MYOCOS: variants seen among roughly 807,000 people sequenced by gnomAD.
The protein encoded by MYOCOS is myocilin opposite strand, also known as myocilin opposite strand protein.
intron 1 of MYOCOS, among the ~76,000 whole-genome samples, chr1:171,606,810 G>A (rs1221665171): frequency 2.0e-5 from 3 of 152,032 alleles, no homozygotes; most frequent in Non-Finnish European, 4.4e-5. Context: ...TTTTCTCTGC[G>A]GCTTGTCCTG....
upstream of MYOCOS, among the ~76,000 whole-genome samples, chr1:171,620,115 A>C (rs115606345): frequency 0.034 from 4,996 of 148,600 alleles, 113 homozygotes; most frequent in Middle Eastern, 0.054. Context: ...ATATATATAT[A>C]TCTCCTATTA....
At chr1:171,602,090 A>AG (rs1446589002) in intron 1 of MYOCOS, among the ~76,000 whole-genome samples, 1 of 152,024 alleles carries the variant, frequency 6.6e-6, no homozygotes, top group Non-Finnish European at 1.5e-5. Flanking sequence ...GAGAAAAAAA[A>AG]GGGGGGAGGC....
chr1:171,601,002 G>T (rs902678565), exon 1 of MYOCOS: 1 of 152,250 alleles, frequency 6.6e-6, no homozygotes, highest in African/African-American at 2.4e-5. Context: ...CCCCTTAGGC[G>T]GCTTAGGCCT....
intron 1 of MYOCOS, among the ~76,000 whole-genome samples, chr1:171,603,694 A>T (rs1652188185): frequency 6.6e-6 from 1 of 152,218 alleles, no homozygotes; most frequent in African/African-American, 2.4e-5. Context: ...TTTACACTCT[A>T]TGTGTCAAAA....
At chr1:171,606,507 A>G (rs187812945) in intron 1 of MYOCOS, among the ~76,000 whole-genome samples, 86 of 152,270 alleles carry the variant, frequency 5.6e-4, no homozygotes, top group African/African-American at 2.0e-3. Context: ...TTAAAAATCA[A>G]CTCCTGACTT....
intron 2 of MYOCOS, among the ~76,000 whole-genome samples, chr1:171,615,495 C>G (rs1429460850): frequency 2.0e-5 from 3 of 152,194 alleles, no homozygotes; most frequent in African/African-American, 7.2e-5. Context: ...GAAAAAACAA[C>G]AAGGAAGTAA....
chr1:171,606,196 A>C (rs1029840572), intron 1 of MYOCOS, among the ~76,000 whole-genome samples: 1 of 152,230 alleles, frequency 6.6e-6, no homozygotes, highest in African/African-American at 2.4e-5. Context: ...TCTTTAAATG[A>C]TAAAAAAGCT....
chr1:171,625,180 G>A lies in MYOCOS; in HGVS notation c.95+1202G>A, dbSNP rs574741283. Among the ~76,000 whole-genome samples, 56 of 152,262 alleles carry A rather than the reference G, an allele frequency of 3.7e-4. 1 individual carries two copies. Among genetic ancestry groups the A allele is most frequent in the African/African-American group, 1.0e-3 (42 of 41,552 alleles). ...CAATTTGATACCACGGGTTTAGACC[G>A]TGAGAGTGGGCATTGTCTGCAGGAA... On this transcript the variant is annotated intron_variant, in intron 2 of 2. Transcript: ENST00000637642.
chr1:171,619,236 G>T (rs924486361), upstream of MYOCOS, among the ~76,000 whole-genome samples: 4 of 152,072 alleles, frequency 2.6e-5, no homozygotes, highest in African/African-American at 9.7e-5. Context: ...TTCTATTGTG[G>T]TTTCATTATC....
upstream of MYOCOS, among the ~76,000 whole-genome samples, chr1:171,620,806 T>C (rs1170497111): frequency 6.8e-6 from 1 of 147,496 alleles, no homozygotes; most frequent in Admixed American, 6.9e-5. Flanking sequence ...GGAGTCTCGT[T>C]CTGTTGCCAA....
chr1:171,609,708 C>T (rs1194248816), intron 1 of MYOCOS, among the ~76,000 whole-genome samples: 1 of 152,012 alleles, frequency 6.6e-6, no homozygotes, highest in Non-Finnish European at 1.5e-5. Context: ...TCAATGTTGC[C>T]CAGTCTGGTC....
upstream of MYOCOS, among the ~76,000 whole-genome samples, chr1:171,621,031 G>C (rs983059275): frequency 3.9e-5 from 6 of 151,964 alleles, no homozygotes; most frequent in African/African-American, 1.5e-4. Flanking sequence ...GCCTCCCAAA[G>C]TGCTGGGATT....
At chr1:171,611,424 G>T (rs1652349455) in intron 1 of MYOCOS, among the ~76,000 whole-genome samples, 1 of 152,086 alleles carries the variant, frequency 6.6e-6, no homozygotes, top group Non-Finnish European at 1.5e-5. Flanking sequence ...GGATCTAATA[G>T]AACTACTCGA....
intron 1 of MYOCOS, among the ~76,000 whole-genome samples, chr1:171,611,513 CTTACA>C (rs1308437835): frequency 2.0e-5 from 3 of 152,200 alleles, no homozygotes; most frequent in Non-Finnish European, 4.4e-5. Context: ...TGCAGATGAA[CTTACA>C]TTGTAATTCT....
At chr1:171,618,559 T>TTTTGTTTG (rs138926013), upstream of MYOCOS, among the ~76,000 whole-genome samples, 837 of 150,734 alleles carry the variant, frequency 5.6e-3, 5 homozygotes, top group South Asian at 0.015. Context: ...ACTATCTCCT[T>TTTTGTTTG]TTTGTTTGTT....
intron 1 of MYOCOS, among the ~76,000 whole-genome samples, chr1:171,623,075 A>G (rs1652605467): frequency 2.6e-5 from 4 of 152,102 alleles, no homozygotes; most frequent in Admixed American, 6.5e-5. Flanking sequence ...CAAAAAATAC[A>G]AAAATTAGCT....
intron 2 of MYOCOS, among the ~76,000 whole-genome samples, chr1:171,616,699 T>C (rs1349583169): frequency 6.6e-6 from 1 of 152,164 alleles, no homozygotes; most frequent in East Asian, 1.9e-4. Context: ...ATATATTGGT[T>C]GAGTTCAGGA....
chr1:171,605,373 CCACACACA>C (rs55880778), intron 1 of MYOCOS, among the ~76,000 whole-genome samples: 8 of 139,226 alleles, frequency 5.7e-5, no homozygotes, highest in African/African-American at 1.8e-4. Context: ...ATTAATAGTA[CCACACACA>C]CACACACACA....
chr1:171,611,432 C>T lies in MYOCOS; in HGVS notation c.-251-3366C>T, dbSNP rs901894644. Among the ~76,000 whole-genome samples, 3 of 152,226 alleles carry T rather than the reference C, an allele frequency of 2.0e-5. 1 individual carries two copies. The highest frequency in any genetic ancestry group is 6.5e-5 in the Admixed American group (1 of 15,284). Reference sequence around the variant, plus strand: ...ACTTTCAGGATCTAATAGAACTACTCGAAATGGGCTATTTCAAGTAGTTCT... The same window carrying T: ...ACTTTCAGGATCTAATAGAACTACTTGAAATGGGCTATTTCAAGTAGTTCT... On this transcript the variant is annotated intron_variant, in intron 1 of 3. Transcript: ENST00000636697.
Sources: gnomAD v4.1 joint callset for allele counts (sites outside exome capture counted in the v4.1 genomes callset) on GRCh38, gnomAD v4.1.1 for gene constraint, MANE v1.5 for transcripts, NCBI Gene and HGNC (gene_info 2026-07-23, HGNC 2026-07-21) for gene names.